Variants in EXT2 observed in about 807,000 individuals in gnomAD.
EXT2 encodes the protein exostosin glycosyltransferase 2, also known as exostosin-2.
A neutral mutation model predicts 81.6 loss-of-function variants in EXT2; 53 were observed. The observed-to-expected ratio is 0.65, with a 90% CI of 0.52 to 0.82. EXT2 has a LOEUF of 0.82. Among genes scored for constraint, EXT2 ranks in the 40% least tolerant of loss-of-function variants. The probability of loss-of-function intolerance (pLI) is 0.00; values close to 1 mark genes in which losing one functional copy is unlikely to be tolerated. For synonymous variants in EXT2, 320 were observed against 340.0 expected (o/e 0.94, Z 0.65); for missense variants, 774 against 910.2 (o/e 0.85, Z 1.93).
intron 8 of EXT2, among the ~76,000 whole-genome samples, chr11:44,172,235 A>G (rs1955085427): frequency 6.6e-6 from 1 of 152,212 alleles, no homozygotes. Flanking sequence ...TGCTATAGTC[A>G]TTTGCTCAAG....
chr11:44,131,618 G>T (rs1482956425), intron 7 of EXT2, among the ~76,000 whole-genome samples: 1 of 152,168 alleles, frequency 6.6e-6, no homozygotes, highest in Non-Finnish European at 1.5e-5. Flanking sequence ...TTTCATCTAA[G>T]TTTTAGTGAA....
intron 1 of EXT2, among the ~76,000 whole-genome samples, chr11:44,098,032 G>A (rs1953926414): frequency 6.6e-6 from 1 of 152,202 alleles, no homozygotes; most frequent in Non-Finnish European, 1.5e-5. Flanking sequence ...TGCAGGGGCA[G>A]GTTTGATGTG....
intron 5 of EXT2, among the ~76,000 whole-genome samples, chr11:44,126,314 C>T (rs1954403171): frequency 6.6e-6 from 1 of 152,158 alleles, no homozygotes; most frequent in Non-Finnish European, 1.5e-5. Context: ...ATAAAAAGCA[C>T]ACTGTTAGAT....
At chr11:44,110,042 G>A (rs1182930338) in intron 3 of EXT2, among the ~76,000 whole-genome samples, 1 of 152,160 alleles carries the variant, frequency 6.6e-6, no homozygotes, top group Admixed American at 6.5e-5. Context: ...CGCGGGCAAT[G>A]CTCAAGGTAT....
chr11:44,244,401 G>C lies in EXT2; in HGVS notation c.*114G>C. On this transcript the variant is annotated 3_prime_UTR_variant, in exon 14 of 14. Coordinates refer to ENST00000533608, the MANE Select transcript of EXT2 (RefSeq NM_207122.2). The stretch of plus-strand genomic sequence containing the variant: ...TAAGGGTGGAAGGTTGACCTACTTG[G>C]ATCTTGGCATGCACCCACCTAACCC... 8.3e-7 allele frequency: 1 copy of C among 1,198,196 alleles called. No homozygotes were observed. The highest frequency in any genetic ancestry group is 1.2e-6 in the Non-Finnish European group (1 of 815,298). The allele number at this position is 1,198,196 out of a possible 1,614,324, so 74.2% of individuals were successfully genotyped here.
chr11:44,123,946 G>A (rs927232936), intron 4 of EXT2, among the ~76,000 whole-genome samples: 3 of 148,780 alleles, frequency 2.0e-5, no homozygotes, highest in Non-Finnish European at 4.5e-5. Flanking sequence ...TCTTGTTTGA[G>A]TCTTGTCTTC....
chr11:44,243,618 C>CTTTTTTTT (rs1215047805), intron 13 of EXT2, among the ~76,000 whole-genome samples: 3 of 72,888 alleles, frequency 4.1e-5, no homozygotes, highest in African/African-American at 5.6e-5. Flanking sequence ...GCCCTGTCAC[C>CTTTTTTTT]TTTTTTTTTT....
At chr11:44,204,531 G>A (rs1955559000) in intron 9 of EXT2, among the ~76,000 whole-genome samples, 2 of 152,200 alleles carry the variant, frequency 1.3e-5, no homozygotes, top group Admixed American at 6.5e-5. Flanking sequence ...AGATGTTACA[G>A]GGCGGGGTCC....
At chr11:44,151,040 A>G (rs1954785035) in intron 7 of EXT2, among the ~76,000 whole-genome samples, 1 of 152,230 alleles carries the variant, frequency 6.6e-6, no homozygotes, top group African/African-American at 2.4e-5. Flanking sequence ...GAAGAGATGA[A>G]CATTAAAGTA....
chr11:44,164,932 G>A (rs1954973519), intron 7 of EXT2, among the ~76,000 whole-genome samples: 1 of 147,698 alleles, frequency 6.8e-6, no homozygotes, highest in Non-Finnish European at 1.5e-5. Context: ...AGGCTGGAGT[G>A]CAGTGGCGGG....
intron 4 of EXT2, among the ~76,000 whole-genome samples, chr11:44,119,124 T>TTATA (rs200249806): frequency 0.023 from 576 of 25,358 alleles, 9 homozygotes; most frequent in Middle Eastern, 0.026. Context: ...ATTTGGCTAT[T>TTATA]TATATATATA....
Position 44,107,835 on chromosome 11 carries a change from C to T in EXT2, c.123C>T (p.Gly41=), listed in dbSNP as rs1188568254. 1 of 1,614,144 alleles carries T rather than the reference C, an allele frequency of 6.2e-7. No homozygotes were observed. Among genetic ancestry groups the T allele is most frequent in the Non-Finnish European group, 8.5e-7 (1 of 1,180,030 alleles). The part of the protein sequence containing the change: ...SIVLLGLIAT[G]MFQFWPHSIE... ...TCCTCCTGGGCCTCATTGCCACTGG[C>T]ATGTTTCAGTTTTGGCCCCATTCTA... The change falls in exon 2 of 14, where the codon GGC becomes GGT. Residue 41 remains glycine (G), a synonymous_variant. Coordinates refer to ENST00000533608, the MANE Select transcript of EXT2 (RefSeq NM_207122.2).
At position 44,150,138 on chromosome 11, in the gene EXT2, C is replaced by A. The variant is rs1455577641; in HGVS notation, c.1173+20000C>A. ...GGTTAAGAGATGGTTAACAAAAATG[C>A]TAGGAGTGGAGAAAGTTAGATTTAA... On this transcript the variant is annotated intron_variant, in intron 7 of 13. Transcript: ENST00000533608. 3.9e-5 allele frequency among the ~76,000 whole-genome samples: 6 copies of A among 152,044 alleles called. 1 individual carries two copies. The Middle Eastern group carries it at 0.01, about 259-fold the overall frequency.
At chr11:44,117,743 C>T (rs1954243090) in intron 4 of EXT2, among the ~76,000 whole-genome samples, 1 of 152,188 alleles carries the variant, frequency 6.6e-6, no homozygotes, top group African/African-American at 2.4e-5. Flanking sequence ...AATGTAAGTT[C>T]TCCAACTTTG....
intron 7 of EXT2, among the ~76,000 whole-genome samples, chr11:44,139,159 A>T (rs1590585638): frequency 1.4e-5 from 2 of 143,324 alleles, no homozygotes; most frequent in Non-Finnish European, 1.5e-5. Context: ...GATCAGAATG[A>T]CTTGTAGGGA....
intron 1 of EXT2, among the ~76,000 whole-genome samples, chr11:44,105,307 T>G (rs1954038757): frequency 6.6e-6 from 1 of 152,246 alleles, no homozygotes; most frequent in South Asian, 2.1e-4. Context: ...TTATTTTATT[T>G]TTTGAGAAAG....
At chr11:44,135,390 C>CTT (rs10707708) in intron 7 of EXT2, among the ~76,000 whole-genome samples, 3,343 of 116,236 alleles carry the variant, frequency 0.029, 154 homozygotes, top group African/African-American at 0.095. Context: ...GATGGAAATA[C>CTT]TTTTTTTTTT....
intron 10 of EXT2, among the ~76,000 whole-genome samples, chr11:44,230,902 C>G (rs990791592): frequency 1.3e-5 from 2 of 152,148 alleles, no homozygotes; most frequent in African/African-American, 4.8e-5. Flanking sequence ...AGTGTCCTTT[C>G]TGGACTCAGC....
chr11:44,201,081 A>G (rs1375125010), intron 9 of EXT2, among the ~76,000 whole-genome samples: 1 of 152,208 alleles, frequency 6.6e-6, no homozygotes, highest in Non-Finnish European at 1.5e-5. Flanking sequence ...GCTACTTTGT[A>G]TGAATGGAAG....
Sources: gnomAD v4.1 joint callset for allele counts (sites outside exome capture counted in the v4.1 genomes callset) on GRCh38, gnomAD v4.1.1 for gene constraint, MANE v1.5 for transcripts, NCBI Gene and HGNC (gene_info 2026-07-23, HGNC 2026-07-21) for gene names.